Variants in CFAP69 observed in about 807,000 individuals in gnomAD.
CFAP69 encodes cilia- and flagella-associated protein 69.
In CFAP69, 92 loss-of-function variants were observed where a neutral mutation model predicts 123.0. That is an observed-to-expected ratio of 0.75 (90% CI 0.63 to 0.89). The LOEUF (loss-of-function observed/expected upper bound fraction) is 0.89, where lower values mean the gene tolerates loss of function less well. Ranked by LOEUF, CFAP69 falls within the 40% of genes least tolerant of loss-of-function variation. The pLI is 0.00. For synonymous variants in CFAP69, 380 were observed against 364.3 expected (o/e 1.04, Z -0.49); for missense variants, 1,067 against 1,096.9 (o/e 0.97, Z 0.39).
chr7:90,272,531 C>T (rs1353605290), intron 8 of CFAP69, among the ~76,000 whole-genome samples: 1 of 152,098 alleles, frequency 6.6e-6, no homozygotes, highest in African/African-American at 2.4e-5. Context: ...GCTACATGTT[C>T]TTCAGAAGAA....
chr7:90,308,742 C>T (rs1362846546), intron 21 of CFAP69, among the ~76,000 whole-genome samples: 2 of 152,130 alleles, frequency 1.3e-5, no homozygotes, highest in Admixed American at 6.5e-5. Flanking sequence ...CAGCTCCTTT[C>T]CTGCAGGTCA....
At chr7:90,309,229 A>G (rs773983446) in intron 21 of CFAP69, 34 bp from the exon 22 acceptor site, 17 of 1,030,174 alleles carry the variant, frequency 1.7e-5, no homozygotes, top group Non-Finnish European at 2.3e-5. Context: ...TTTAATAGCA[A>G]TTAATATTTT....
chr7:90,260,293 A>G (rs1370796108), intron 3 of CFAP69, among the ~76,000 whole-genome samples: 2 of 151,992 alleles, frequency 1.3e-5, no homozygotes, highest in African/African-American at 4.8e-5. Flanking sequence ...TAGGAGTCTG[A>G]GGCAGGAGGA....
chr7:90,271,738 T>A, intron 7 of CFAP69, 43 bp from the exon 8 acceptor site: 1 of 1,590,066 alleles, frequency 6.3e-7, no homozygotes. Context: ...TCTAAAAATG[T>A]CAATATTGTA....
intron 1 of CFAP69, among the ~76,000 whole-genome samples, chr7:90,251,209 C>CT (rs1168344056): frequency 6.6e-6 from 1 of 152,236 alleles, no homozygotes; most frequent in East Asian, 1.9e-4. Context: ...GCCACTATCA[C>CT]TTTTTGGCAG....
In CFAP69 at chr7:90,306,927, T is replaced by C. The variant is rs185559257; in HGVS notation, c.2292T>C (p.Tyr764=). ...TTGGAGAAATATGGAATGAAATATA[T>C]GAAGAAATAAAATTAGAAAAATTAA... ...FKIGEIWNEI[Y]EEIKLEKLRP... is the part of the protein sequence containing the mutation. Residue 764 remains tyrosine (Y), a synonymous_variant, in exon 20 of 23, where the codon TAT becomes TAC. Coordinates refer to ENST00000389297, the MANE Select transcript of CFAP69 (RefSeq NM_001039706.3). The C allele has an allele frequency of 6.5e-4, 1,013 of 1,547,918 alleles. 5 individuals are homozygous for C. The African/African-American group carries it at 0.011, about 17-fold the overall frequency.
At chr7:90,285,562 T>TA (rs1790148709) in intron 13 of CFAP69, among the ~76,000 whole-genome samples, 2 of 152,310 alleles carry the variant, frequency 1.3e-5, no homozygotes, top group South Asian at 2.1e-4. Flanking sequence ...GGAATACTGT[T>TA]ACCTAAAATT....
Position 90,283,032 on chromosome 7 carries a change from A to G in CFAP69, c.1513A>G (p.Lys505Glu). 6.4e-7 allele frequency: 1 copy of G among 1,572,390 alleles called. No individual in the cohort carries two copies. The highest frequency in any genetic ancestry group is 8.6e-7 in the Non-Finnish European group (1 of 1,161,568). ...DETVNKDLCEKGTIQQMIGIF... is the reference protein window; with the variant it reads ...DETVNKDLCEEGTIQQMIGIF... ...GACTGTAAACAAAGATCTTTGTGAA[A>G]AGGGAACAATTCAGCAAATGATAGG... The change falls in exon 13 of 23, where the codon AAG (lysine) becomes GAG (glutamate). Residue 505 changes from lysine to glutamate, a missense_variant. Transcript: ENST00000389297.
intron 1 of CFAP69, among the ~76,000 whole-genome samples, chr7:90,246,371 A>G (rs1796326528): frequency 6.6e-6 from 1 of 152,034 alleles, no homozygotes. Context: ...GCCTCACACT[A>G]ATGGTGTGGG....
the CFAP69 span, chr7:90,322,199 A>G: frequency 1.3e-5 from 2 of 152,446 alleles, no homozygotes; most frequent in African/African-American, 4.8e-5. Context: ...CTGCCCTGGC[A>G]ATGCCTTTTT....
intron 4 of CFAP69, among the ~76,000 whole-genome samples, chr7:90,264,149 A>G (rs992767789): frequency 7.7e-6 from 1 of 129,526 alleles, no homozygotes; most frequent in African/African-American, 2.8e-5. Context: ...ATATATATAT[A>G]TGAATTAAAA....
In CFAP69 at chr7:90,271,684, A is replaced by G. The variant is rs1799973216; in HGVS notation, c.682+9A>G. On this transcript the variant is annotated intron_variant, in intron 7 of 22. Coordinates refer to ENST00000389297, the MANE Select transcript of CFAP69 (RefSeq NM_001039706.3). ...GCATCTCTCAACTTCTGGTTTGTATATTATTAAGTTTAAACACTTCATTGT... is the reference window on the plus strand; with the variant it reads ...GCATCTCTCAACTTCTGGTTTGTATGTTATTAAGTTTAAACACTTCATTGT... 4 of 1,611,386 alleles carry G rather than the reference A, an allele frequency of 2.5e-6. No homozygotes were observed. The East Asian group carries it at 6.7e-5, about 27-fold the overall frequency.
At position 90,306,905 on chromosome 7, in the gene CFAP69, G is replaced by T; in HGVS notation, c.2270G>T (p.Gly757Val). Residue 757 changes from glycine (G) to valine (V), a missense_variant, in exon 20 of 23, where the codon GGA becomes GTA. Coordinates refer to ENST00000389297, the MANE Select transcript of CFAP69 (RefSeq NM_001039706.3). ...IIHRYLDFKI[G>V]EIWNEIYEEI... ...TGTTAAACTTTGTTATAACAGATTGGAGAAATATGGAATGAAATATATGAA... is the reference window on the plus strand; with the variant it reads ...TGTTAAACTTTGTTATAACAGATTGTAGAAATATGGAATGAAATATATGAA... 2.0e-6 allele frequency: 3 copies of T among 1,489,106 alleles called. No individual in the cohort carries two copies. The highest frequency in any genetic ancestry group is 1.2e-5 in the South Asian group (1 of 84,210). The allele number at this position is 1,489,106 out of a possible 1,614,324, so 92.2% of individuals were successfully genotyped here.
the CFAP69 span, chr7:90,319,288 T>A: frequency 2.5e-6 from 1 of 398,306 alleles, no homozygotes; most frequent in East Asian, 3.6e-5. Context: ...TTGAAAAAAA[T>A]CAGAAGAATT....
intron 4 of CFAP69, among the ~76,000 whole-genome samples, chr7:90,264,137 A>G (rs1798792247): frequency 1.7e-5 from 2 of 119,578 alleles, no homozygotes; most frequent in African/African-American, 3.0e-5. Context: ...ATATATATAT[A>G]TATATATATA....
chr7:90,316,116 T>G, the CFAP69 span, among the ~76,000 whole-genome samples: 20 of 152,096 alleles, frequency 1.3e-4, 1 homozygote, highest in South Asian at 4.2e-3. Context: ...AAATAAAGAT[T>G]CGATAGAAAC....
chr7:90,273,773 T>C (rs1800328404), intron 8 of CFAP69, among the ~76,000 whole-genome samples: 1 of 152,084 alleles, frequency 6.6e-6, no homozygotes, highest in African/African-American at 2.4e-5. Flanking sequence ...TGCTGATCTC[T>C]TGTATTCTTA....
chr7:90,250,789 A>G (rs1796923484), intron 1 of CFAP69, among the ~76,000 whole-genome samples: 1 of 152,006 alleles, frequency 6.6e-6, no homozygotes, highest in South Asian at 2.1e-4. Context: ...TCTGCCCCAA[A>G]TTTTTCTCAT....
chr7:90,294,596 A>G (rs951483081), intron 15 of CFAP69, among the ~76,000 whole-genome samples: 1 of 152,176 alleles, frequency 6.6e-6, no homozygotes, highest in Non-Finnish European at 1.5e-5. Flanking sequence ...TCAAGCTCCC[A>G]AGGACATACA....
Sources: gnomAD v4.1 joint callset for allele counts (sites outside exome capture counted in the v4.1 genomes callset) on GRCh38, gnomAD v4.1.1 for gene constraint, MANE v1.5 for transcripts, NCBI Gene and HGNC (gene_info 2026-07-23, HGNC 2026-07-21) for gene names.